NLRP7: variants seen among roughly 807,000 people sequenced by gnomAD.
NLRP7 encodes NACHT, LRR and PYD domains-containing protein 7.
Under a neutral mutation model 85.5 loss-of-function variants are expected in NLRP7, and 72 were observed. The observed-to-expected ratio is 0.84, with a 90% CI of 0.70 to 1.02. The LOEUF is 1.02. Ranked by LOEUF, NLRP7 falls within the 50% of genes least tolerant of loss-of-function variation. The pLI, the probability that NLRP7 is intolerant of heterozygous loss-of-function variation, is 0.00. For synonymous variants in NLRP7, 550 were observed against 505.2 expected (o/e 1.09, Z -1.19); for missense variants, 1,243 against 1,219.5 (o/e 1.02, Z -0.29).
At position 54,934,221 on chromosome 19, in the gene NLRP7, A is replaced by G. The variant is rs997446654; in HGVS notation, c.2471+268T>C. On this transcript the variant is annotated intron_variant, in intron 7 of 9. Transcript: ENST00000340844. This position sits in a 1 kb window ranked among gnomAD's most constrained non-coding sequence, Gnocchi z 6.7. ...CTCCCAACGTGCTGGGATTACAGGC[A>G]TGAGCCACCGCACCCGGCCTGTTTT... is the stretch of plus-strand genomic sequence containing the variant. Among the ~76,000 whole-genome samples, 2 of 152,134 alleles carry G rather than the reference A, an allele frequency of 1.3e-5. No individual in the cohort carries two copies. Among genetic ancestry groups the G allele is most frequent in the Admixed American group, 1.3e-4 (2 of 15,268 alleles).
intron 1 of NLRP7, among the ~76,000 whole-genome samples, chr19:54,943,637 T>C (rs2069340671): frequency 1.3e-5 from 2 of 151,846 alleles, no homozygotes; most frequent in African/African-American, 4.8e-5. Context: ...GCCTGGAAAA[T>C]AAATAACAGA....
intron 8 of NLRP7, among the ~76,000 whole-genome samples, chr19:54,932,713 T>G (rs1404869255): frequency 6.6e-6 from 1 of 152,116 alleles, no homozygotes; most frequent in African/African-American, 2.4e-5. Flanking sequence ...TGGAGTGCAG[T>G]GGCGCCATCT....
chr19:54,940,020 G>C (rs755349976), exon 4 of NLRP7: 6 of 1,614,160 alleles, frequency 3.7e-6, no homozygotes, highest in Non-Finnish European at 5.1e-6. Flanking sequence ...CAGATGTCCT[G>C]GATCAGCGCC....
At chr19:54,926,055 TC>T (rs1480003502) in intron 9 of NLRP7, among the ~76,000 whole-genome samples, 2 of 142,174 alleles carry the variant, frequency 1.4e-5, no homozygotes, top group East Asian at 4.3e-4. Context: ...AAAAAAAGAC[TC>T]CGTCTCAAAA....
chr19:54,933,420 C>T lies in NLRP7; in HGVS notation c.2642+149G>A, dbSNP rs1013054577. 1.5e-5 allele frequency: 14 copies of T among 963,496 alleles called. No individual in the cohort carries two copies. In the African/African-American group the frequency reaches 2.3e-4, roughly 16 times the overall value. 59.7% of individuals were successfully genotyped at this position (963,496 alleles called of 1,614,324 possible). On this transcript the variant is annotated intron_variant, in intron 8 of 9. Transcript: ENST00000340844. ...TCGGCCTCCCAAAGTGCTGGGATTA[C>T]AGGCATGAGCCACCACGCCTGGCCT...
chr19:54,943,220 G>A (rs76754009), intron 1 of NLRP7, among the ~76,000 whole-genome samples: 368 of 152,202 alleles, frequency 2.4e-3, no homozygotes, highest in African/African-American at 8.1e-3. Flanking sequence ...TGACACAGGA[G>A]GATTGTTTGA....
At chr19:54,924,817 T>C (rs189414076) in intron 9 of NLRP7, among the ~76,000 whole-genome samples, 1 of 152,098 alleles carries the variant, frequency 6.6e-6, no homozygotes, top group African/African-American at 2.4e-5. Flanking sequence ...ACAACTGTAA[T>C]ACCAGCTACT....
chr19:54,934,453 C>G lies in NLRP7; in HGVS notation c.2471+36G>C. The G allele has an allele frequency of 1.2e-6, 2 of 1,611,190 alleles. No individual in the cohort carries two copies. The highest frequency in any genetic ancestry group is 1.7e-6 in the Non-Finnish European group (2 of 1,177,350). On this transcript the variant is annotated intron_variant, in intron 7 of 9. Coordinates refer to ENST00000340844, the Ensembl canonical transcript of NLRP7. This position sits in a 1 kb window ranked among gnomAD's most constrained non-coding sequence, Gnocchi z 6.7. Reference sequence around the variant, plus strand: ...CCCTTTCTCTTCTATAGCCCCAGAACTAAACCAGAGCTGCCCATGGGAAGA... The same window carrying G: ...CCCTTTCTCTTCTATAGCCCCAGAAGTAAACCAGAGCTGCCCATGGGAAGA...
exon 8 of NLRP7, chr19:54,933,638 A>G (rs776102152): frequency 6.6e-5 from 106 of 1,613,988 alleles, no homozygotes; most frequent in South Asian, 9.9e-5. Context: ...TGTATCCCCA[A>G]TGGGGTTCTT....
At chr19:54,930,420 C>T in intron 9 of NLRP7, 79 bp downstream of exon 9, 1 of 973,786 alleles carries the variant, frequency 1.0e-6, no homozygotes, top group Non-Finnish European at 1.6e-6. Context: ...CGTAATCACC[C>T]CACTGCACTC....
intron 4 of NLRP7, among the ~76,000 whole-genome samples, 167 bp from the exon 5 acceptor site, chr19:54,938,408 T>G (rs1431293861): frequency 6.6e-6 from 1 of 151,506 alleles, no homozygotes; most frequent in Non-Finnish European, 1.5e-5. Context: ...AGTATAGATC[T>G]TAAGTTTTAC....
rs1339008404 is a variant in NLRP7 at position 54,940,200 on chromosome 19, C to G, written c.619G>C (p.Ala207Pro). 6 of 1,614,066 alleles carry G rather than the reference C, an allele frequency of 3.7e-6. No individual in the cohort carries two copies. In the South Asian group the frequency reaches 4.4e-5, roughly 12 times the overall value. Residue 207 changes from alanine (A) to proline (P), a missense_variant, in exon 4 of 10, where the codon GCG becomes CCG. Transcript: ENST00000340844. ...AGCTCCTTGCAGCTGAGGTAGAACG[C>G]GTATCTGAGCGTCGGGCTGAGGTTG... is the stretch of plus-strand genomic sequence containing the variant.
intron 1 of NLRP7, among the ~76,000 whole-genome samples, chr19:54,943,049 A>C (rs1383654458): frequency 1.3e-5 from 2 of 152,170 alleles, no homozygotes; most frequent in East Asian, 3.9e-4. Flanking sequence ...TGGGAGGCTG[A>C]GGCAGGAGAA....
chr19:54,955,703 C>T lies in NLRP7; in HGVS notation c.-76-8198G>A, dbSNP rs529227345. ...TCGGGAGGCTGAGGCAGGAGAATGA[C>T]GTGAATCCCGGAGTCGTAGGTTGCA... On this transcript the variant is annotated intron_variant, in intron 1 of 2. Coordinates refer to the NLRP7 transcript ENST00000587103. Among the ~76,000 whole-genome samples the T allele has an allele frequency of 1.4e-3, 211 of 152,076 alleles. 1 individual carries two copies. The highest frequency in any genetic ancestry group is 4.8e-3 in the African/African-American group (198 of 41,508).
chr19:54,943,424 A>G (rs1277389177), intron 1 of NLRP7, among the ~76,000 whole-genome samples: 1 of 151,718 alleles, frequency 6.6e-6, no homozygotes, highest in Non-Finnish European at 1.5e-5. Context: ...ACACGGTGAA[A>G]CCCCGTCTCT....
chr19:54,961,993 A>G (rs2070057859), intron 1 of NLRP7, among the ~76,000 whole-genome samples: 1 of 150,716 alleles, frequency 6.6e-6, no homozygotes, highest in African/African-American at 2.4e-5. Context: ...GTGAAACCCC[A>G]TCTCTACTAG....
At chr19:54,954,571 G>A (rs1486837809) in intron 1 of NLRP7, among the ~76,000 whole-genome samples, 10 of 147,512 alleles carry the variant, frequency 6.8e-5, no homozygotes, top group African/African-American at 2.5e-4. Context: ...GAGGCCGGAC[G>A]TGGTGGCTTA....
At chr19:54,964,459 A>C (rs980898296) in intron 1 of NLRP7, among the ~76,000 whole-genome samples, 1 of 150,864 alleles carries the variant, frequency 6.6e-6, no homozygotes, top group African/African-American at 2.4e-5. Context: ...CTCGTGATCC[A>C]CCTGCCTCGG....
chr19:54,931,628 T>C (rs12104343), intron 8 of NLRP7, among the ~76,000 whole-genome samples: 45,224 of 149,096 alleles, frequency 0.3, 7,077 homozygotes, highest in East Asian at 0.41. Flanking sequence ...ACGGAGGTTG[T>C]GGTGAGCAGA....
Sources: gnomAD v4.1 joint callset for allele counts (sites outside exome capture counted in the v4.1 genomes callset) on GRCh38, gnomAD v4.1.1 for gene constraint, Gnocchi (gnomAD v3.1) non-coding constraint, MANE v1.5 for transcripts, NCBI Gene and HGNC (gene_info 2026-07-23, HGNC 2026-07-21) for gene names.